The following ANO10 variants were observed in gnomAD, a reference collection of about 807,000 sequenced individuals.
The protein encoded by ANO10 is anoctamin 10, also known as anoctamin-10.
In ANO10, 77 loss-of-function variants were observed where a neutral mutation model predicts 74.7. The observed-to-expected ratio is 1.03, with a 90% CI of 0.86 to 1.25. ANO10 has a LOEUF of 1.25. ANO10 is among the 50% of genes most tolerant of loss of function. ANO10 has a pLI of 0.00. For missense variants in ANO10, 721 were observed against 778.1 expected, an observed-to-expected ratio of 0.93 and a Z score of 0.87; for synonymous variants, 279 against 284.9, an observed-to-expected ratio of 0.98 and a Z score of 0.21.
chr3:43,567,079 A>G (rs1269781244), intron 7 of ANO10, among the ~76,000 whole-genome samples: 3 of 152,240 alleles, frequency 2.0e-5, no homozygotes, highest in East Asian at 1.9e-4. Flanking sequence ...AAGAAAGGGT[A>G]TCGGCAATGG....
At chr3:43,460,079 A>G (rs937568843) in intron 11 of ANO10, among the ~76,000 whole-genome samples, 7 of 152,238 alleles carry the variant, frequency 4.6e-5, no homozygotes, top group African/African-American at 1.7e-4. Flanking sequence ...GGCATCCATA[A>G]TAATGAGGGA....
intron 4 of ANO10, among the ~76,000 whole-genome samples, chr3:43,593,957 A>G (rs1053411098): frequency 6.6e-6 from 1 of 152,206 alleles, no homozygotes; most frequent in Non-Finnish European, 1.5e-5. Context: ...CAGGGGTTGC[A>G]ATCCTAGTCT....
chr3:43,503,910 A>T (rs12497714), intron 11 of ANO10, among the ~76,000 whole-genome samples: 1 of 152,066 alleles, frequency 6.6e-6, no homozygotes. Flanking sequence ...GCAAATCTGA[A>T]TAAGGCTGCC....
chr3:43,538,268 C>T (rs779413488), intron 11 of ANO10, among the ~76,000 whole-genome samples: 35 of 152,042 alleles, frequency 2.3e-4, no homozygotes, highest in Non-Finnish European at 4.4e-5. Flanking sequence ...GGTTATTGAA[C>T]AGGGTCTACA....
chr3:43,384,700 G>C (rs1054952292), intron 12 of ANO10, among the ~76,000 whole-genome samples: 1 of 152,172 alleles, frequency 6.6e-6, no homozygotes, highest in Admixed American at 6.5e-5. Context: ...ATGGTGGTCG[G>C]ATAATTGGTT....
At chr3:43,642,711 C>A (rs999735089) in intron 1 of ANO10, among the ~76,000 whole-genome samples, 1 of 152,042 alleles carries the variant, frequency 6.6e-6, no homozygotes, top group African/African-American at 2.4e-5. Context: ...TTTATTGCTT[C>A]TTTTTGCAAA....
chr3:43,600,920 C>T lies in ANO10; in HGVS notation c.140-339G>A, dbSNP rs536693192. Among the ~76,000 whole-genome samples, 8 of 151,380 alleles carry T rather than the reference C, an allele frequency of 5.3e-5. No homozygotes were observed. In the East Asian group the frequency reaches 1.2e-3, roughly 22 times the overall value. ...AAGATTGCAGTTTAATATAAATAGACGAAAATTTAAGAAAATTAATTTGGA... is the reference window on the plus strand; with the variant it reads ...AAGATTGCAGTTTAATATAAATAGATGAAAATTTAAGAAAATTAATTTGGA... On this transcript the variant is annotated intron_variant, in intron 2 of 12. Coordinates refer to ENST00000292246, the MANE Select transcript of ANO10 (RefSeq NM_018075.5).
chr3:43,377,586 G>A (rs1246286193), intron 12 of ANO10, among the ~76,000 whole-genome samples: 1 of 152,164 alleles, frequency 6.6e-6, no homozygotes, highest in Non-Finnish European at 1.5e-5. Context: ...ACCCAGAGAG[G>A]TCTGTGACCA....
chr3:43,551,108 A>C (rs934661114), intron 10 of ANO10, among the ~76,000 whole-genome samples: 1 of 152,206 alleles, frequency 6.6e-6, no homozygotes, highest in African/African-American at 2.4e-5. Flanking sequence ...GAATTTATGT[A>C]ACCATTTTCT....
chr3:43,444,951 G>A (rs4396868), intron 11 of ANO10, among the ~76,000 whole-genome samples: 128,252 of 151,564 alleles, frequency 0.85, 55,976 homozygotes, highest in Non-Finnish European at 0.97. Context: ...GTGAAACCCC[G>A]TCTCTACTAA....
upstream of ANO10, among the ~76,000 whole-genome samples, chr3:43,623,904 G>T (rs141857219): frequency 3.6e-3 from 542 of 152,270 alleles, 4 homozygotes; most frequent in African/African-American, 0.012. Flanking sequence ...GTTTAGACAT[G>T]AATTACTCCT....
chr3:43,565,112 C>G (rs1288511732), intron 8 of ANO10, among the ~76,000 whole-genome samples: 1 of 152,188 alleles, frequency 6.6e-6, no homozygotes, highest in Non-Finnish European at 1.5e-5. Flanking sequence ...TTACTTATAA[C>G]TGGTTCAAAT....
chr3:43,539,960 A>T (rs145745357), intron 11 of ANO10, among the ~76,000 whole-genome samples: 2 of 152,332 alleles, frequency 1.3e-5, no homozygotes, highest in African/African-American at 4.8e-5. Context: ...ATTGCAATGT[A>T]ATCTGCAAAA....
At chr3:43,690,782 A>T (rs551855480) in intron 1 of ANO10, 2 of 445,366 alleles carry the variant, frequency 4.5e-6, no homozygotes, top group South Asian at 1.0e-4. Context: ...GGGCGGGAGA[A>T]CTAGTGCATG....
chr3:43,612,141 TA>T (rs1407648597), intron 1 of ANO10, among the ~76,000 whole-genome samples: 548 of 5,514 alleles, frequency 0.099, 7 homozygotes, highest in African/African-American at 0.32. Context: ...TTAAATATTT[TA>T]TATATATATA....
intron 11 of ANO10, among the ~76,000 whole-genome samples, chr3:43,473,734 C>G (rs753655696): frequency 6.6e-6 from 1 of 152,122 alleles, no homozygotes; most frequent in Non-Finnish European, 1.5e-5. Context: ...TGGGGAGCTG[C>G]CCTGGACGTC....
chr3:43,691,331 G>C, intron 1 of ANO10: 3 of 261,510 alleles, frequency 1.1e-5, no homozygotes, highest in Non-Finnish European at 7.2e-6. Context: ...TGTTGTATAA[G>C]CCACCCCGCG....
intron 11 of ANO10, among the ~76,000 whole-genome samples, chr3:43,471,684 G>A (rs998006136): frequency 2.6e-5 from 4 of 152,138 alleles, no homozygotes; most frequent in African/African-American, 7.2e-5. Context: ...GAGGCAGGAG[G>A]ATCACTTGAG....
intron 12 of ANO10, among the ~76,000 whole-genome samples, chr3:43,401,893 C>G (rs529333222): frequency 5.9e-5 from 9 of 152,320 alleles, no homozygotes; most frequent in Non-Finnish European, 1.0e-4. Flanking sequence ...CACATGCTAT[C>G]TTCCTTCCTC....
Sources: allele counts gnomAD v4.1 joint callset (sites outside exome capture counted in the v4.1 genomes callset), GRCh38; gene constraint gnomAD v4.1.1; transcripts MANE v1.5; gene names NCBI Gene and HGNC (gene_info 2026-07-23, HGNC 2026-07-21).